FGF12: variants seen among roughly 807,000 people sequenced by gnomAD.
FGF12 encodes fibroblast growth factor 12, also known as fibroblast growth factor 12B.
FGF12 carries 14 observed loss-of-function variants against 23.6 expected under a neutral mutation model. The observed-to-expected ratio is 0.59, with a 90% CI of 0.39 to 0.93. The LOEUF (loss-of-function observed/expected upper bound fraction) is 0.93. Ranked by LOEUF, FGF12 falls within the 40% of genes least tolerant of loss-of-function variation. The pLI is 0.00. For missense variants in FGF12, 175 were observed against 217.8 expected, an observed-to-expected ratio of 0.80 and a Z score of 1.24; for synonymous variants, 62 against 77.3, an observed-to-expected ratio of 0.80 and a Z score of 1.04.
rs1419954988 is a variant in FGF12, at chr3:192,643,249, A to T, written c.13+83932T>A. ...TATATCCATTTATCTATCTCTAGCT[A>T]GCTAGTTAGAATATCACTAATTGAT... On this transcript the variant is annotated intron_variant, in intron 2 of 5. Coordinates refer to ENST00000445105, the MANE Select transcript of FGF12 (RefSeq NM_004113.6). Among the ~76,000 whole-genome samples the T allele has an allele frequency of 4.2e-5, 6 of 144,172 alleles. No homozygotes were observed. In the East Asian group the frequency reaches 1.3e-3, roughly 30 times the overall value. 94.6% of individuals were successfully genotyped at this position (144,172 alleles called of 152,430 possible). A position where few individuals can be genotyped will look rare whatever the true frequency, so the allele number is the denominator to read the frequency against.
At chr3:192,717,253 C>A (rs1377333417) in intron 2 of FGF12, among the ~76,000 whole-genome samples, 2 of 152,146 alleles carry the variant, frequency 1.3e-5, no homozygotes, top group Non-Finnish European at 2.9e-5. Context: ...GACTCTGAAG[C>A]CAGTCTGCAA....
intron 2 of FGF12, among the ~76,000 whole-genome samples, chr3:192,641,952 T>C (rs1295076835): frequency 1.3e-5 from 2 of 152,184 alleles, no homozygotes; most frequent in African/African-American, 4.8e-5. Context: ...GCTCACCCCT[T>C]CTCTAAATGA....
At chr3:192,720,398 C>T (rs1030058717) in intron 2 of FGF12, among the ~76,000 whole-genome samples, 2 of 152,186 alleles carry the variant, frequency 1.3e-5, no homozygotes, top group Admixed American at 6.5e-5. Flanking sequence ...TTAAATACCA[C>T]GGCCTCCCTG....
intron 4 of FGF12, among the ~76,000 whole-genome samples, chr3:192,293,045 G>A (rs557046105): frequency 6.6e-6 from 1 of 152,080 alleles, no homozygotes; most frequent in Non-Finnish European, 1.5e-5. Context: ...CTACCAACGT[G>A]CTGGGATTAT....
At chr3:192,191,020 A>G (rs1010541517) in intron 4 of FGF12, among the ~76,000 whole-genome samples, 2 of 152,242 alleles carry the variant, frequency 1.3e-5, no homozygotes, top group African/African-American at 2.4e-5. Flanking sequence ...AAAGAAAACA[A>G]TAATAGATCT....
chr3:192,420,328 G>A (rs922228428), intron 2 of FGF12, among the ~76,000 whole-genome samples: 1 of 150,058 alleles, frequency 6.7e-6, no homozygotes, highest in African/African-American at 2.5e-5. Context: ...TGCAGTCATG[G>A]TTATTTCCCA....
intron 4 of FGF12, among the ~76,000 whole-genome samples, chr3:192,239,160 T>A (rs1488220019): frequency 6.6e-6 from 1 of 152,170 alleles, no homozygotes; most frequent in African/African-American, 2.4e-5. Context: ...AAAAAATATC[T>A]GCAGGATACA....
rs539798893 is a variant in FGF12 at position 192,596,210 on chromosome 3, GAATT to G, written c.13+130967_13+130970del. 4.1e-3 allele frequency among the ~76,000 whole-genome samples: 613 copies of G among 149,410 alleles called. 8 individuals carry two copies. Among genetic ancestry groups the G allele is most frequent in the Admixed American group, 0.014 (215 of 14,910 alleles). ...TTCTCATGATGCCTACTCTACTTGAGAATTAACTGCTGATGATATTGAAAACAAT... is the reference window on the plus strand; with the variant it reads ...TTCTCATGATGCCTACTCTACTTGAGAACTGCTGATGATATTGAAAACAAT... On this transcript the variant is annotated intron_variant, in intron 2 of 5. Coordinates refer to ENST00000445105, the MANE Select transcript of FGF12 (RefSeq NM_004113.6).
chr3:192,582,237 G>A (rs1713185744), intron 2 of FGF12, among the ~76,000 whole-genome samples: 1 of 152,162 alleles, frequency 6.6e-6, no homozygotes, highest in Non-Finnish European at 1.5e-5. Context: ...TTTTAGGATT[G>A]TAGCTAATCT....
chr3:192,298,177 A>T (rs550228544), intron 4 of FGF12, among the ~76,000 whole-genome samples: 1 of 152,238 alleles, frequency 6.6e-6, no homozygotes, highest in South Asian at 2.1e-4. Flanking sequence ...TCATTTAACC[A>T]GTCAATCAAT....
chr3:192,260,153 T>G (rs935053249), intron 4 of FGF12, among the ~76,000 whole-genome samples: 2 of 152,190 alleles, frequency 1.3e-5, no homozygotes, highest in Admixed American at 1.3e-4. Context: ...TTCCTATGCC[T>G]AGCAAACTAG....
At chr3:192,670,877 T>C (rs1717088255) in intron 2 of FGF12, among the ~76,000 whole-genome samples, 1 of 152,104 alleles carries the variant, frequency 6.6e-6, no homozygotes, top group Non-Finnish European at 1.5e-5. Flanking sequence ...GGACAGAAAT[T>C]GAATTGCAAA....
At chr3:192,686,815 A>ATTTTTTTTTTT (rs57045697) in intron 2 of FGF12, among the ~76,000 whole-genome samples, 7 of 61,476 alleles carry the variant, frequency 1.1e-4, no homozygotes, top group African/African-American at 5.7e-4. Flanking sequence ...TTTTTCTCTA[A>ATTTTTTTTTTT]TTTTTTTTTT....
At chr3:192,217,759 G>C (rs1025626612) in intron 4 of FGF12, among the ~76,000 whole-genome samples, 1 of 152,016 alleles carries the variant, frequency 6.6e-6, no homozygotes, top group Non-Finnish European at 1.5e-5. Context: ...AAGGATCAAG[G>C]GCTCATCACT....
intron 4 of FGF12, among the ~76,000 whole-genome samples, chr3:192,231,146 A>G (rs1718996944): frequency 6.6e-6 from 1 of 152,186 alleles, no homozygotes; most frequent in Admixed American, 6.5e-5. Flanking sequence ...CCTTGGAAAT[A>G]TCTCTGACAG....
chr3:192,244,371 A>G (rs1719776460), intron 4 of FGF12, among the ~76,000 whole-genome samples: 1 of 152,070 alleles, frequency 6.6e-6, no homozygotes, highest in Non-Finnish European at 1.5e-5. Context: ...AAATACAGAA[A>G]CTCCCTGTGT....
intron 2 of FGF12, among the ~76,000 whole-genome samples, chr3:192,593,049 C>G (rs185765332): frequency 3.3e-5 from 5 of 152,018 alleles, no homozygotes; most frequent in Non-Finnish European, 7.4e-5. Context: ...ATATTCAGAA[C>G]AGCAGCCATG....
chr3:192,556,083 A>ATG (rs1711759185), intron 2 of FGF12, among the ~76,000 whole-genome samples: 2 of 152,274 alleles, frequency 1.3e-5, no homozygotes, highest in Non-Finnish European at 2.9e-5. Context: ...ACACAAGGGA[A>ATG]GACAACAAGA....
chr3:192,335,731 G>T (rs1226537701), intron 3 of FGF12, among the ~76,000 whole-genome samples: 1 of 152,030 alleles, frequency 6.6e-6, no homozygotes, highest in Non-Finnish European at 1.5e-5. Context: ...CTGGATCTGA[G>T]ATTTCAGGAT....
Sources: gnomAD v4.1 joint callset for allele counts (sites outside exome capture counted in the v4.1 genomes callset) on GRCh38, gnomAD v4.1.1 for gene constraint, MANE v1.5 for transcripts, NCBI Gene and HGNC (gene_info 2026-07-23, HGNC 2026-07-21) for gene names.